The following ATP2B1 variants were observed in gnomAD, a reference collection of about 807,000 sequenced individuals.
ATP2B1 encodes plasma membrane calcium-transporting ATPase 1.
ATP2B1 carries 14 observed loss-of-function variants against 124.2 expected under a neutral mutation model. That is an observed-to-expected ratio of 0.11 (90% CI 0.07 to 0.18). The LOEUF (loss-of-function observed/expected upper bound fraction) is 0.18. ATP2B1 is among the 10% of genes least tolerant of loss of function. The probability of loss-of-function intolerance (pLI) is 1.00; values close to 1 mark genes in which losing one functional copy is unlikely to be tolerated. For missense variants in ATP2B1, 763 were observed against 1,466.1 expected, an observed-to-expected ratio of 0.52 and a Z score of 7.83; for synonymous variants, 449 against 492.4, an observed-to-expected ratio of 0.91 and a Z score of 1.17.
intron 2 of ATP2B1, among the ~76,000 whole-genome samples, chr12:89,652,161 T>C (rs572856348): frequency 1.3e-5 from 2 of 152,344 alleles, no homozygotes; most frequent in East Asian, 1.9e-4. Context: ...GGCAGAGATA[T>C]TTGTTTTATT....
At chr12:89,634,741 AG>A (rs1261634535) in intron 5 of ATP2B1, 36 bp downstream of exon 5, 2 of 1,531,846 alleles carry the variant, frequency 1.3e-6, no homozygotes, top group African/African-American at 1.4e-5. Flanking sequence ...TAGTTGCGAA[AG>A]AGGAAAGTGT....
rs988760809 is a variant in ATP2B1 at position 89,589,554 on chromosome 12, A to C, written c.*1430T>G. 1 of 152,124 alleles carries C rather than the reference A, an allele frequency of 6.6e-6. No individual in the cohort carries two copies. The highest frequency in any genetic ancestry group is 1.5e-5 in the Non-Finnish European group (1 of 68,000). 9.4% of individuals were successfully genotyped at this position (152,124 alleles called of 1,614,324 possible). A position where few individuals can be genotyped will look rare whatever the true frequency, so the allele number is the denominator to read the frequency against. On this transcript the variant is annotated 3_prime_UTR_variant, in exon 21 of 21. Coordinates refer to ENST00000428670, the MANE Select transcript of ATP2B1 (RefSeq NM_001366521.1). Reference sequence around the variant, plus strand: ...AAAGACAATGGTGGTCATTGTTGTTATGTTTTTTACCTGTGAGACTATTTT... The same window carrying C: ...AAAGACAATGGTGGTCATTGTTGTTCTGTTTTTTACCTGTGAGACTATTTT...
chr12:89,643,887 C>T (rs1019377585), intron 2 of ATP2B1, among the ~76,000 whole-genome samples: 2 of 152,078 alleles, frequency 1.3e-5, no homozygotes, highest in African/African-American at 4.8e-5. Flanking sequence ...GTTGGGAGGC[C>T]GAGGCAGGCA....
Position 89,590,849 on chromosome 12 carries a change from C to T in ATP2B1, c.*135G>A. On this transcript the variant is annotated 3_prime_UTR_variant, in exon 21 of 21. Transcript: ENST00000428670. ...CTTTTTTTTTTTTAAAAAAATAAAT[C>T]TACATTCGTACAAGTGTGTCTTCTG... 1.1e-6 allele frequency: 1 copy of T among 882,688 alleles called. No individual in the cohort carries two copies. The highest frequency in any genetic ancestry group is 1.7e-6 in the Non-Finnish European group (1 of 598,218). The allele number at this position is 882,688 out of a possible 1,614,324, so 54.7% of individuals were successfully genotyped here.
intron 3 of ATP2B1, among the ~76,000 whole-genome samples, chr12:89,637,181 C>G (rs1293523897): frequency 1.3e-5 from 2 of 152,166 alleles, no homozygotes; most frequent in Admixed American, 6.6e-5. Context: ...AGATTGACAT[C>G]AGACAATGGA....
At chr12:89,695,870 G>A (rs899858524) in intron 1 of ATP2B1, among the ~76,000 whole-genome samples, 10 of 152,064 alleles carry the variant, frequency 6.6e-5, no homozygotes, top group African/African-American at 2.4e-4. Flanking sequence ...CAATCTTTGT[G>A]TCATTTACCT....
At chr12:89,704,240 T>C (rs1892186908) in intron 1 of ATP2B1, among the ~76,000 whole-genome samples, 1 of 152,158 alleles carries the variant, frequency 6.6e-6, no homozygotes, top group African/African-American at 2.4e-5. Context: ...AAGACACCCC[T>C]AGGCCAACAG....
intron 1 of ATP2B1, among the ~76,000 whole-genome samples, chr12:89,708,342 G>A (rs1227848479): frequency 1.3e-5 from 2 of 152,308 alleles, no homozygotes; most frequent in East Asian, 3.9e-4. Context: ...GCCCGGAGCA[G>A]CGACTCCCAG....
rs568649611 is a variant in ATP2B1 at position 89,697,237 on chromosome 12, T to C, written c.-222+11359A>G. ...TATGTAATTATTTGGAAAAAATGTC[T>C]TTATATGTCTTTATGAGCTTGGGGT... On this transcript the variant is annotated intron_variant, in intron 1 of 20. Coordinates refer to ENST00000428670, the MANE Select transcript of ATP2B1 (RefSeq NM_001366521.1). 6.6e-5 allele frequency among the ~76,000 whole-genome samples: 10 copies of C among 152,318 alleles called. No homozygotes were observed. The South Asian group carries it at 1.9e-3, about 28-fold the overall frequency.
At chr12:89,676,073 A>G (rs1331457848) in intron 1 of ATP2B1, among the ~76,000 whole-genome samples, 1 of 152,032 alleles carries the variant, frequency 6.6e-6, no homozygotes, top group East Asian at 1.9e-4. Flanking sequence ...AGGAGTTTGG[A>G]TGAGGTGGAG....
intron 1 of ATP2B1, among the ~76,000 whole-genome samples, chr12:89,678,108 T>G (rs1888902936): frequency 6.6e-6 from 1 of 150,872 alleles, no homozygotes; most frequent in African/African-American, 2.4e-5. Flanking sequence ...TAACAAAAGA[T>G]TTTTACACAC....
chr12:89,630,269 G>C (rs541626301), intron 6 of ATP2B1, among the ~76,000 whole-genome samples: 2 of 152,268 alleles, frequency 1.3e-5, no homozygotes, highest in African/African-American at 2.4e-5. Context: ...TCTACACCTA[G>C]AGAATAAATG....
At chr12:89,642,077 C>A in intron 3 of ATP2B1, 81 bp downstream of exon 3, 1 of 1,352,894 alleles carries the variant, frequency 7.4e-7, no homozygotes, top group South Asian at 1.3e-5. Flanking sequence ...TAAATGCTGG[C>A]CAGCTATTAT....
chr12:89,653,079 T>C (rs1028542729), intron 2 of ATP2B1, among the ~76,000 whole-genome samples: 2 of 152,216 alleles, frequency 1.3e-5, no homozygotes, highest in African/African-American at 4.8e-5. Flanking sequence ...TAAAATGGCT[T>C]GCTTCACATT....
intron 1 of ATP2B1, among the ~76,000 whole-genome samples, chr12:89,694,301 T>A (rs1375328789): frequency 6.6e-6 from 1 of 152,176 alleles, no homozygotes; most frequent in Non-Finnish European, 1.5e-5. Flanking sequence ...ACCTTAATTT[T>A]AAAAAATCCC....
chr12:89,638,300 C>T (rs1883005801), intron 3 of ATP2B1, among the ~76,000 whole-genome samples: 1 of 152,172 alleles, frequency 6.6e-6, no homozygotes, highest in African/African-American at 2.4e-5. Context: ...CTCTCTACCA[C>T]AAGGCAAATA....
intron 1 of ATP2B1, among the ~76,000 whole-genome samples, chr12:89,705,089 TGA>T (rs1367552861): frequency 6.6e-6 from 1 of 152,134 alleles, no homozygotes; most frequent in Non-Finnish European, 1.5e-5. Context: ...TTCCTATGTT[TGA>T]TAATTTCTAT....
chr12:89,670,971 TG>T (rs202116144), intron 1 of ATP2B1, among the ~76,000 whole-genome samples: 2 of 114,308 alleles, frequency 1.7e-5, no homozygotes, highest in African/African-American at 6.6e-5. Flanking sequence ...AAAAAAGGGG[TG>T]GGGGGGCTCA....
At chr12:89,616,025 G>A (rs1389420454) in intron 12 of ATP2B1, among the ~76,000 whole-genome samples, 2 of 152,082 alleles carry the variant, frequency 1.3e-5, no homozygotes, top group Non-Finnish European at 2.9e-5. Context: ...TATTAGGCTA[G>A]GTTGGGAACT....
Sources: gnomAD v4.1 joint callset for allele counts (sites outside exome capture counted in the v4.1 genomes callset) on GRCh38, gnomAD v4.1.1 for gene constraint, MANE v1.5 for transcripts, NCBI Gene and HGNC (gene_info 2026-07-23, HGNC 2026-07-21) for gene names.